Variants in FPGS observed in about 807,000 individuals in gnomAD.
FPGS encodes folylpolyglutamate synthase.
FPGS carries 53 observed loss-of-function variants against 66.5 expected under a neutral mutation model. That is an observed-to-expected ratio of 0.80 (90% CI 0.64 to 1.00). The LOEUF is 1.00. Among genes scored for constraint, FPGS ranks in the 50% least tolerant of loss-of-function variants. FPGS has a pLI of 0.00. For synonymous variants in FPGS, 348 were observed against 350.9 expected (o/e 0.99, Z 0.09); for missense variants, 702 against 807.7 (o/e 0.87, Z 1.59).
chr9:127,805,418 A>G (rs889609940), intron 4 of FPGS, among the ~76,000 whole-genome samples: 2 of 151,998 alleles, frequency 1.3e-5, no homozygotes, highest in African/African-American at 4.8e-5. Flanking sequence ...TTAAAAAAAA[A>G]AAAGAAAATT....
In FPGS at chr9:127,808,830, G is replaced by C; in HGVS notation, c.1001G>C (p.Gly334Ala). 1 of 1,563,302 alleles carries C rather than the reference G, an allele frequency of 6.4e-7. No homozygotes were observed. The highest frequency in any genetic ancestry group is 1.7e-4 in the Middle Eastern group (1 of 5,994). The change falls in exon 11 of 15, where the codon GGG (glycine) becomes GCG (alanine). Residue 334 changes from glycine to alanine, a missense_variant. By Grantham distance (60) the Gly-to-Ala change is moderately conservative (BLOSUM62 0). This residue lies in a region of FPGS where 351 missense variants were observed against 363.7 expected (regional missense o/e 0.97). Transcript: ENST00000373247. ...GAGEPKASRP[G>A]LLWQLPLAPV... ...GGGGAGCCAAAGGCATCCAGGCCAG[G>C]GCTCCTGTGGCAGCTGCCCCTGGCA...
rs1182061435 is a variant in FPGS at position 127,807,002 on chromosome 9, G to A, written c.416G>A (p.Arg139Gln). 12 of 1,614,112 alleles carry A rather than the reference G, an allele frequency of 7.4e-6. No homozygotes were observed. The highest frequency in any genetic ancestry group is 1.3e-5 in the African/African-American group (1 of 75,034). ...CCCCACCTGGTGCAGGTTCGGGAGC[G>A]GATCCGCATCAATGGGCAGCCCATC... is the stretch of plus-strand genomic sequence containing the variant. ...SSPHLVQVRE[R>Q]IRINGQPISP... The change falls in exon 5 of 15, where the codon CGG becomes CAG. Residue 139 changes from arginine (R) to glutamine (Q), a missense_variant. Transcript: ENST00000373247. This position sits in a 1 kb window ranked among gnomAD's most constrained non-coding sequence, Gnocchi z 5.8.
Position 127,810,957 on chromosome 9 carries a change from G to A in FPGS, c.1300G>A (p.Asp434Asn), listed in dbSNP as rs747286536. The change falls in exon 14 of 15, where the codon GAC (aspartate) becomes AAC (asparagine). Residue 434 changes from aspartate (D) to asparagine (N), a missense_variant. By Grantham distance (23) the Asp-to-Asn change is conservative. This residue lies in a region of FPGS where 351 missense variants were observed against 363.7 expected (regional missense o/e 0.97). Coordinates refer to ENST00000373247, the MANE Select transcript of FPGS (RefSeq NM_004957.6). ...LLKLLQPCQFDYAVFCPNLTE... is the reference protein window; with the variant it reads ...LLKLLQPCQFNYAVFCPNLTE... ...CTTGGCCTTCTAGCCCTGCCAGTTTGACTATGCCGTCTTCTGCCCTAACCT... is the reference window on the plus strand; with the variant it reads ...CTTGGCCTTCTAGCCCTGCCAGTTTAACTATGCCGTCTTCTGCCCTAACCT... 1 of 1,582,524 alleles carries A rather than the reference G, an allele frequency of 6.3e-7. No individual in the cohort carries two copies. Among genetic ancestry groups the A allele is most frequent in the Middle Eastern group, 1.7e-4 (1 of 5,990 alleles).
chr9:127,809,698 G>C lies in FPGS; in HGVS notation c.1075G>C (p.Glu359Gln), dbSNP rs768345618. The part of the protein sequence containing the change: ...SHMRLGLRNT[E>Q]WPGRTQVLRR... ...CCCTCCCCCAGGGCTTCGGAACACGGAGTGGCCGGGCCGGACGCAGGTGCT... is the reference window on the plus strand; with the variant it reads ...CCCTCCCCCAGGGCTTCGGAACACGCAGTGGCCGGGCCGGACGCAGGTGCT... Residue 359 changes from glutamate (E) to glutamine (Q), a missense_variant, in exon 12 of 15, where the codon GAG (glutamate) becomes CAG (glutamine). Around this residue, in one of 3 missense-constraint regions of FPGS, gnomAD observed 351 missense variants for 363.7 expected, o/e 0.97. Transcript: ENST00000373247. 1 of 1,588,798 alleles carries C rather than the reference G, an allele frequency of 6.3e-7. No individual in the cohort carries two copies. Among genetic ancestry groups the C allele is most frequent in the Non-Finnish European group, 8.5e-7 (1 of 1,175,114 alleles).
chr9:127,810,763 C>T (rs995548451), intron 13 of FPGS, among the ~76,000 whole-genome samples, 182 bp from the exon 14 acceptor site: 1 of 152,162 alleles, frequency 6.6e-6, no homozygotes, highest in African/African-American at 2.4e-5. Flanking sequence ...GGCCACAGGC[C>T]AGGCAGGGTA....
intron 12 of FPGS, 41 bp from the exon 13 acceptor site, chr9:127,809,990 C>G (rs766947268): frequency 6.4e-7 from 1 of 1,573,364 alleles, no homozygotes; most frequent in Non-Finnish European, 8.6e-7. Flanking sequence ...GCAGGGAGAA[C>G]GGGCGGCGCC....
At position 127,802,957 on chromosome 9, in the gene FPGS, T is replaced by C. The variant is rs1829657251; in HGVS notation, c.33T>C (p.Ala11=). 2 of 1,439,344 alleles carry C rather than the reference T, an allele frequency of 1.4e-6. No individual in the cohort carries two copies. Among genetic ancestry groups the C allele is most frequent in the Non-Finnish European group, 1.8e-6 (2 of 1,104,066 alleles). 89.2% of individuals were successfully genotyped at this position (1,439,344 alleles called of 1,614,324 possible). ...GGGCGCGGAGCCACCTGCGCGCCGCTCTATTCCTGGCAGCGGCGTCTGCGC... is the reference window on the plus strand; with the variant it reads ...GGGCGCGGAGCCACCTGCGCGCCGCCCTATTCCTGGCAGCGGCGTCTGCGC... MSRARSHLRA[A]LFLAAASARG... is the part of the protein sequence containing the mutation. The change falls in exon 1 of 15, where the codon GCT becomes GCC. Residue 11 remains alanine, a synonymous_variant. Coordinates refer to ENST00000373247, the MANE Select transcript of FPGS (RefSeq NM_004957.6).
At chr9:127,809,958 G>C in intron 12 of FPGS, 73 bp from the exon 13 acceptor site, 2 of 1,470,012 alleles carry the variant, frequency 1.4e-6, no homozygotes, top group Non-Finnish European at 1.9e-6. Flanking sequence ...GCGGGGTCGT[G>C]GGCGGGGACG....
At position 127,813,835 on chromosome 9, in the gene FPGS, G is replaced by C. The variant is rs950541074; in HGVS notation, c.*231G>C. The C allele has an allele frequency of 1.6e-6, 2 of 1,254,310 alleles. No homozygotes were observed. Among genetic ancestry groups the C allele is most frequent in the African/African-American group, 3.1e-5 (2 of 64,520 alleles). The allele number at this position is 1,254,310 out of a possible 1,614,324, so 77.7% of individuals were successfully genotyped here. On this transcript the variant is annotated 3_prime_UTR_variant, in exon 15 of 15. Transcript: ENST00000373247. The stretch of plus-strand genomic sequence containing the variant: ...AGAGGGGCTCCCCGGGTCTCTCACT[G>C]TTGCAGTGGCCTGGCCGTTCAGCCT...
Position 127,813,405 on chromosome 9 carries a change from A to G in FPGS, c.1565A>G (p.His522Arg). The G allele has an allele frequency of 6.2e-7, 1 of 1,608,698 alleles. No homozygotes were observed. The highest frequency in any genetic ancestry group is 8.5e-7 in the Non-Finnish European group (1 of 1,176,698). ...TCCCTCGTCTTCAGCTGCATTTCAC[A>G]TGCCTTGCAATGGATCAGCCAAGGC... ...ASSLVFSCISHALQWISQGRD... is the reference protein window; with the variant it reads ...ASSLVFSCISRALQWISQGRD... The change falls in exon 15 of 15, where the codon CAT (histidine) becomes CGT (arginine). Residue 522 changes from histidine (H) to arginine (R), a missense_variant. Transcript: ENST00000373247.
chr9:127,812,136 C>G (rs1228830445), intron 14 of FPGS, among the ~76,000 whole-genome samples: 1 of 152,044 alleles, frequency 6.6e-6, no homozygotes, highest in Admixed American at 6.6e-5. Context: ...GTGGTCCTAG[C>G]TACTCAGGAG....
rs144481667 is a variant in FPGS at position 127,810,037 on chromosome 9, C to G, written c.1218C>G (p.Pro406=). ...LQGRERPSGG[P]EVRVLLFNAT... ...CTCCTCACCTCTGTCGCAGTGGCCC[C>G]GAGGTTCGAGTCTTGCTCTTCAATG... Residue 406 remains proline, a synonymous_variant, in exon 13 of 15, where the codon CCC becomes CCG. Coordinates refer to ENST00000373247, the MANE Select transcript of FPGS (RefSeq NM_004957.6). 85 of 1,611,488 alleles carry G rather than the reference C, an allele frequency of 5.3e-5. No individual in the cohort carries two copies. The African/African-American group carries it at 9.3e-4, about 18-fold the overall frequency.
In FPGS at chr9:127,813,216, C is replaced by T; in HGVS notation, c.1376C>T (p.Thr459Ile). 2.5e-6 allele frequency: 4 copies of T among 1,593,808 alleles called. No homozygotes were observed. Among genetic ancestry groups the T allele is most frequent in the African/African-American group, 1.3e-5 (1 of 74,680 alleles). ...ACAGACCAACAGAACTTCACAGTGACACTGGACCAGGTCCTGCTCCGCTGC... is the reference window on the plus strand; with the variant it reads ...ACAGACCAACAGAACTTCACAGTGATACTGGACCAGGTCCTGCTCCGCTGC... ...GNADQQNFTVTLDQVLLRCLE... is the reference protein window; with the variant it reads ...GNADQQNFTVILDQVLLRCLE... Residue 459 changes from threonine to isoleucine, a missense_variant, in exon 15 of 15, where the codon ACA becomes ATA. This residue lies in a region of FPGS where 351 missense variants were observed against 363.7 expected (regional missense o/e 0.97). Coordinates refer to ENST00000373247, the MANE Select transcript of FPGS (RefSeq NM_004957.6).
chr9:127,810,631 C>A (rs1230845945), intron 13 of FPGS, among the ~76,000 whole-genome samples: 5 of 152,152 alleles, frequency 3.3e-5, no homozygotes, highest in East Asian at 3.9e-4. Context: ...TCCCATTTAC[C>A]CACAGCCTTT....
chr9:127,808,846 GC>G lies in FPGS; in HGVS notation c.1021del (p.Leu341TrpfsTer85). The G allele has an allele frequency of 6.4e-7, 1 of 1,562,364 alleles. No homozygotes were observed. Among genetic ancestry groups the G allele is most frequent in the Non-Finnish European group, 8.7e-7 (1 of 1,153,850 alleles). On this transcript the variant is annotated frameshift_variant, in exon 11 of 15. Coordinates refer to ENST00000373247, the MANE Select transcript of FPGS (RefSeq NM_004957.6). LOFTEE classifies it high-confidence loss of function. ...CCAGGCCAGGGCTCCTGTGGCAGCTGCCCCTGGCACCTGTGTTCCAGCCCAC... is the reference window on the plus strand; with the variant it reads ...CCAGGCCAGGGCTCCTGTGGCAGCTGCCCTGGCACCTGTGTTCCAGCCCAC... ...ASRPGLLWQL[P>X]LAPVFQPTSH... is the part of the protein sequence containing the mutation.
chr9:127,809,637 C>T, intron 11 of FPGS, 47 bp from the exon 12 acceptor site: 2 of 1,532,304 alleles, frequency 1.3e-6, no homozygotes, highest in Non-Finnish European at 1.7e-6. Flanking sequence ...GAATTGAGGA[C>T]GGGGGTGGGA....
Position 127,804,659 on chromosome 9 carries a change from A to G in FPGS, c.345A>G (p.Glu115=). The stretch of plus-strand genomic sequence containing the variant: ...AGGGCTCCACCTGTGCCTTCACGGA[A>G]TGTATCCTCCGAAGCTATGGCCTGA... ...KGKGSTCAFT[E]CILRSYGLKT... is the part of the protein sequence containing the mutation. The change falls in exon 4 of 15, where the codon GAA becomes GAG. Residue 115 remains glutamate, a synonymous_variant. Coordinates refer to ENST00000373247, the MANE Select transcript of FPGS (RefSeq NM_004957.6). 6.2e-7 allele frequency: 1 copy of G among 1,614,036 alleles called. No homozygotes were observed.
chr9:127,808,355 C>A, intron 9 of FPGS, 44 bp downstream of exon 9: 1 of 1,567,250 alleles, frequency 6.4e-7, no homozygotes, highest in Non-Finnish European at 8.8e-7. Context: ...GGGTTTGTGT[C>A]CCTCCTGTTT....
rs771301592 is a variant in FPGS, at chr9:127,808,295, G to A, written c.806G>A (p.Arg269Gln). 6.8e-6 allele frequency: 11 copies of A among 1,613,696 alleles called. No individual in the cohort carries two copies. The Admixed American group carries it at 8.3e-5, about 12-fold the overall frequency. Residue 269 changes from arginine (R) to glutamine (Q), a missense_variant, in exon 9 of 15, where the codon CGA becomes CAA. Physicochemically the swap from Arg to Gln is conservative, Grantham distance 43. Coordinates refer to ENST00000373247, the MANE Select transcript of FPGS (RefSeq NM_004957.6). ...GGTCCCCTGGCAGTGCTGAGGGACC[G>A]AGCCCAGCAGATCTCAGTAAGTCTG... ...PEGPLAVLRD[R>Q]AQQISCPLYL...
Sources: gnomAD v4.1 joint callset for allele counts (sites outside exome capture counted in the v4.1 genomes callset) on GRCh38, gnomAD v4.1.1 for gene constraint, gnomAD v4.1.1 regional missense constraint, Gnocchi (gnomAD v3.1) non-coding constraint, MANE v1.5 for transcripts, NCBI Gene and HGNC (gene_info 2026-07-23, HGNC 2026-07-21) for gene names.